NBN: variants seen among roughly 807,000 people sequenced by gnomAD.
NBN encodes the protein Nijmegen breakage syndrome 1 (nibrin).
A neutral mutation model predicts 90.8 loss-of-function variants in NBN; 88 were observed. The ratio of observed to expected loss-of-function variants is 0.97; its 90% CI spans 0.82 to 1.16. The LOEUF (loss-of-function observed/expected upper bound fraction) is 1.16. Ranked by LOEUF, NBN falls within the 50% of genes most tolerant of loss-of-function variation. The probability of loss-of-function intolerance (pLI) is 0.00; values close to 1 mark genes in which losing one functional copy is unlikely to be tolerated. For missense variants in NBN, 894 were observed against 869.6 expected (o/e 1.03, Z -0.35); for synonymous variants, 328 against 295.1 (o/e 1.11, Z -1.14).
intron 5 of NBN, among the ~76,000 whole-genome samples, chr8:89,973,367 G>C (rs780359907): frequency 2.0e-5 from 3 of 152,168 alleles, no homozygotes; most frequent in Non-Finnish European, 4.4e-5. Context: ...AATGTATTTT[G>C]GTTTTGTTTT....
chr8:89,980,097 A>C (rs574696164), intron 4 of NBN, among the ~76,000 whole-genome samples: 1 of 152,342 alleles, frequency 6.6e-6, no homozygotes, highest in East Asian at 1.9e-4. Flanking sequence ...TAAATGTGCA[A>C]AAATAAAAAA....
chr8:89,937,136 G>A lies in NBN; in HGVS notation c.2185-61C>T, dbSNP rs1008142830. 3.4e-5 allele frequency: 50 copies of A among 1,480,610 alleles called. No individual in the cohort carries two copies. The East Asian group carries it at 1.1e-3, about 33-fold the overall frequency. 91.7% of individuals were successfully genotyped at this position (1,480,610 alleles called of 1,614,324 possible). On this transcript the variant is annotated intron_variant, in intron 14 of 15. Transcript: ENST00000265433. ...GTGGTGAATATATAGTTAATGAATT[G>A]CTATAGTGATAGGTCACTGTCATCT...
Position 89,955,221 on chromosome 8 carries a change from C to T in NBN, c.1397+62G>A. The T allele has an allele frequency of 3.4e-6, 5 of 1,484,624 alleles. No homozygotes were observed. The South Asian group carries it at 5.7e-5, about 17-fold the overall frequency. 92.0% of individuals were successfully genotyped at this position (1,484,624 alleles called of 1,614,324 possible). On this transcript the variant is annotated intron_variant, in intron 10 of 15. Transcript: ENST00000265433. The stretch of plus-strand genomic sequence containing the variant: ...ACAGACTAAAGACAATACCATTCTA[C>T]AACAGTATAAAAAACTTTCATTTTT...
At chr8:89,983,533 T>C (rs371879467) in intron 1 of NBN, among the ~76,000 whole-genome samples, 11 of 152,190 alleles carry the variant, frequency 7.2e-5, no homozygotes, top group African/African-American at 2.2e-4. Flanking sequence ...TACTGGACCA[T>C]GAGTAAACAA....
At chr8:89,942,000 G>A (rs1479179454) in intron 14 of NBN, among the ~76,000 whole-genome samples, 2 of 152,166 alleles carry the variant, frequency 1.3e-5, no homozygotes, top group African/African-American at 4.8e-5. Flanking sequence ...ACCACAGTCA[G>A]CTTTTGCCTT....
intron 2 of NBN, chr8:89,982,432 A>G (rs1313912183): frequency 2.3e-6 from 1 of 435,372 alleles, no homozygotes; most frequent in Non-Finnish European, 4.2e-6. Flanking sequence ...CTAATAGTAA[A>G]CAATAAATGT....
chr8:89,948,910 C>G (rs11782136), intron 11 of NBN, among the ~76,000 whole-genome samples: 1,912 of 152,278 alleles, frequency 0.013, 16 homozygotes, highest in Non-Finnish European at 0.023. Flanking sequence ...TGCTCTTCCT[C>G]TTGAGCAAGT....
At chr8:89,960,482 C>G (rs1810941112) in intron 8 of NBN, among the ~76,000 whole-genome samples, 1 of 152,000 alleles carries the variant, frequency 6.6e-6, no homozygotes, top group Non-Finnish European at 1.5e-5. Context: ...GAGACTTCAT[C>G]TCAACAAAAA....
chr8:89,971,301 A>C lies in NBN; in HGVS notation c.585-11T>G. On this transcript the variant is annotated splice_polypyrimidine_tract_variant and intron_variant, in intron 5 of 15. Transcript: ENST00000265433. Reference sequence around the variant, plus strand: ...AGAGGTGGGTAAAAACTGTAAAAATAATTAAAGTATATTCTAATTATATAC... The same window carrying C: ...AGAGGTGGGTAAAAACTGTAAAAATCATTAAAGTATATTCTAATTATATAC... The C allele has an allele frequency of 6.2e-7, 1 of 1,603,572 alleles. No individual in the cohort carries two copies. The highest frequency in any genetic ancestry group is 8.5e-7 in the Non-Finnish European group (1 of 1,172,908).
chr8:89,939,825 A>G (rs1809859221), intron 14 of NBN, among the ~76,000 whole-genome samples: 1 of 152,212 alleles, frequency 6.6e-6, no homozygotes. Flanking sequence ...GATCCCTAAC[A>G]AATTAGGTAA....
chr8:89,974,252 T>C (rs1192022332), intron 5 of NBN, among the ~76,000 whole-genome samples: 2 of 99,826 alleles, frequency 2.0e-5, no homozygotes, highest in Non-Finnish European at 3.5e-5. Context: ...ACTATATGGC[T>C]TTTTTTTTTT....
Position 89,958,861 on chromosome 8 carries a change from A to T in NBN, c.995-7T>A. 1 of 1,613,430 alleles carries T rather than the reference A, an allele frequency of 6.2e-7. No individual in the cohort carries two copies. The highest frequency in any genetic ancestry group is 8.5e-7 in the Non-Finnish European group (1 of 1,179,460). On this transcript the variant is annotated splice_polypyrimidine_tract_variant and splice_region_variant and intron_variant, in intron 8 of 15. Transcript: ENST00000265433. ...GGAGTTGTTGTCTTTAATCCTGTAA[A>T]TCACACAAGTAGAAAGAAAGAATCA... is the stretch of plus-strand genomic sequence containing the variant.
chr8:89,983,857 C>T (rs1379569563), intron 1 of NBN, among the ~76,000 whole-genome samples: 2 of 152,018 alleles, frequency 1.3e-5, no homozygotes, highest in Non-Finnish European at 2.9e-5. Context: ...TTTAGTTTGG[C>T]GCTCTCCATA....
Position 89,934,929 on chromosome 8 carries a change from C to G in NBN, c.*653G>C, listed in dbSNP as rs1171194085. On this transcript the variant is annotated 3_prime_UTR_variant, in exon 16 of 16. Transcript: ENST00000265433. ...TTTCCATTCTGGTGAAAACTAAACC[C>G]ATGTTTGATGAAGTCTCCACATGGT... The G allele has an allele frequency of 8.6e-6, 2 of 232,612 alleles. No individual in the cohort carries two copies. Among genetic ancestry groups the G allele is most frequent in the African/African-American group, 4.4e-5 (2 of 45,296 alleles). The allele number at this position is 232,612 out of a possible 1,614,324, so 14.4% of individuals were successfully genotyped here.
intron 11 of NBN, among the ~76,000 whole-genome samples, chr8:89,950,745 A>G (rs1487887136): frequency 8.4e-5 from 9 of 107,010 alleles, no homozygotes; most frequent in South Asian, 3.0e-4. Flanking sequence ...ATATTAAATG[A>G]AAGTTTCTTT....
chr8:89,945,866 G>A (rs1470061372), intron 13 of NBN, among the ~76,000 whole-genome samples: 2 of 152,130 alleles, frequency 1.3e-5, no homozygotes, highest in Non-Finnish European at 2.9e-5. Context: ...AAGATCCTGT[G>A]ATTATCAACA....
At chr8:89,945,196 G>T (rs779057892) in intron 13 of NBN, among the ~76,000 whole-genome samples, 5 of 152,084 alleles carry the variant, frequency 3.3e-5, no homozygotes, top group Non-Finnish European at 7.4e-5. Flanking sequence ...TATTAAACAT[G>T]AAGTAACCAT....
chr8:89,963,527 A>G (rs1423902686), intron 8 of NBN, among the ~76,000 whole-genome samples: 2 of 152,264 alleles, frequency 1.3e-5, no homozygotes, highest in African/African-American at 2.4e-5. Context: ...AAAAGCAAGA[A>G]GAAAAGAAAT....
At position 89,955,515 on chromosome 8, in the gene NBN, T is replaced by C; in HGVS notation, c.1165A>G (p.Met389Val). 1 of 1,613,598 alleles carries C rather than the reference T, an allele frequency of 6.2e-7. No individual in the cohort carries two copies. Among genetic ancestry groups the C allele is most frequent in the Non-Finnish European group, 8.5e-7 (1 of 1,179,724 alleles). Residue 389 changes from methionine to valine, a missense_variant, in exon 10 of 16, where the codon ATG becomes GTG. By Grantham distance (21) the Met-to-Val change is conservative. Transcript: ENST00000265433. ...ERPKEIKVSK[M>V]EQKFRMLSQD... ...GAAAGCATTCTGAATTTTTGTTCCA[T>C]TTTGGAGACTTTGATTTCTTTTGGC... is the stretch of plus-strand genomic sequence containing the variant.
Sources: gnomAD v4.1 joint callset for allele counts (sites outside exome capture counted in the v4.1 genomes callset) on GRCh38, gnomAD v4.1.1 for gene constraint, MANE v1.5 for transcripts, NCBI Gene and HGNC (gene_info 2026-07-23, HGNC 2026-07-21) for gene names.